Variants in SNCB observed in about 807,000 individuals in gnomAD.
SNCB encodes the protein beta-synuclein.
In SNCB, 8 loss-of-function variants were observed where a neutral mutation model predicts 20.0. The observed-to-expected ratio is 0.40, with a 90% CI of 0.24 to 0.72. The LOEUF (loss-of-function observed/expected upper bound fraction) is 0.72. SNCB is among the 30% of genes least tolerant of loss of function. The probability of loss-of-function intolerance (pLI) is 0.37; values close to 1 mark genes in which losing one functional copy is unlikely to be tolerated. For missense variants in SNCB, 125 were observed against 168.0 expected, an observed-to-expected ratio of 0.74 and a Z score of 1.41; for synonymous variants, 56 against 65.4, an observed-to-expected ratio of 0.86 and a Z score of 0.69.
chr5:176,629,513 G>A lies in SNCB; in HGVS notation c.121+21C>T. 6.2e-7 allele frequency: 1 copy of A among 1,610,744 alleles called. No homozygotes were observed. ...GGGGACCCCCAGCCCTGCAGCCCCA[G>A]AAACCCCGCCCCTTACCCACCGACG... On this transcript the variant is annotated intron_variant, in intron 2 of 5. Transcript: ENST00000393693. This position sits in a 1 kb window ranked among gnomAD's most constrained non-coding sequence, Gnocchi z 4.1.
In SNCB at chr5:176,621,858, C is replaced by A. The variant is rs540643151; in HGVS notation, c.283-555G>T. 1.1e-3 allele frequency among the ~76,000 whole-genome samples: 166 copies of A among 152,352 alleles called. 1 individual carries two copies. The highest frequency in any genetic ancestry group is 3.8e-3 in the African/African-American group (156 of 41,568). On this transcript the variant is annotated intron_variant, in intron 4 of 5. Coordinates refer to ENST00000393693, the MANE Select transcript of SNCB (RefSeq NM_003085.5). This position sits in a 1 kb window ranked among gnomAD's most constrained non-coding sequence, Gnocchi z 4.1. Reference sequence around the variant, plus strand: ...GGATGTGTGAGCTAAGACTCTCCCCCCCACCCGCTGCGTCTGCTGCCCAGA... The same window carrying A: ...GGATGTGTGAGCTAAGACTCTCCCCACCACCCGCTGCGTCTGCTGCCCAGA...
chr5:176,629,474 G>A lies in SNCB; in HGVS notation c.121+60C>T, dbSNP rs761701554. The A allele has an allele frequency of 6.3e-7, 1 of 1,582,790 alleles. No individual in the cohort carries two copies. Among genetic ancestry groups the A allele is most frequent in the Non-Finnish European group, 8.6e-7 (1 of 1,158,130 alleles). On this transcript the variant is annotated intron_variant, in intron 2 of 5. Transcript: ENST00000393693. This position sits in a 1 kb window ranked among gnomAD's most constrained non-coding sequence, Gnocchi z 4.1. Reference sequence around the variant, plus strand: ...CCCCCCTCCCCGGGACCCGGCCCCAGCTCCACACTGTCGGGGGACCCCCAG... The same window carrying A: ...CCCCCCTCCCCGGGACCCGGCCCCAACTCCACACTGTCGGGGGACCCCCAG...
At position 176,629,632 on chromosome 5, in the gene SNCB, A is replaced by G; in HGVS notation, c.23T>C (p.Leu8Pro). ...CACAACGCCCTCCTTGGCCATGGAC[A>G]GGCCCTTCATGAACACGTCCATCCT... MDVFMKG[L>P]SMAKEGVVAA... is the part of the protein sequence containing the mutation. The change falls in exon 2 of 6, where the codon CTG becomes CCG. Residue 8 changes from leucine (L) to proline (P), a missense_variant. Coordinates refer to ENST00000393693, the MANE Select transcript of SNCB (RefSeq NM_003085.5). The surrounding 1 kb of genome is among the most constrained non-coding windows in gnomAD (Gnocchi z 4.1). 6.2e-7 allele frequency: 1 copy of G among 1,613,756 alleles called. No homozygotes were observed. The highest frequency in any genetic ancestry group is 8.5e-7 in the Non-Finnish European group (1 of 1,179,870).
chr5:176,625,708 C>T (rs1759898242), intron 4 of SNCB, among the ~76,000 whole-genome samples: 1 of 152,208 alleles, frequency 6.6e-6, no homozygotes, highest in Non-Finnish European at 1.5e-5. Context: ...ACAGATCACA[C>T]CCACCCCAGC....
Position 176,620,764 on chromosome 5 carries a change from AGG to A in SNCB, c.*45_*46del. 7.0e-7 allele frequency: 1 copy of A among 1,420,052 alleles called. No homozygotes were observed. Among genetic ancestry groups the A allele is most frequent in the African/African-American group, 1.4e-5 (1 of 71,272 alleles). The allele number at this position is 1,420,052 out of a possible 1,614,324, so 88.0% of individuals were successfully genotyped here. On this transcript the variant is annotated 3_prime_UTR_variant, in exon 6 of 6. Transcript: ENST00000393693. This position sits in a 1 kb window ranked among gnomAD's most constrained non-coding sequence, Gnocchi z 4.5. ...CAGCCCTGGCTCTGGGGGGCGGGGC[AGG>A]GACAGGGACAGAATTGTGCTGCTGG...
intron 4 of SNCB, among the ~76,000 whole-genome samples, chr5:176,624,599 G>A (rs1048206291): frequency 2.0e-5 from 3 of 151,990 alleles, no homozygotes; most frequent in Non-Finnish European, 4.4e-5. Context: ...TCAGGAGTTC[G>A]AGACCAGCCT....
In SNCB at chr5:176,629,407, T is replaced by G; in HGVS notation, c.121+127A>C. The G allele has an allele frequency of 1.9e-6, 2 of 1,031,738 alleles. No homozygotes were observed. The highest frequency in any genetic ancestry group is 1.4e-6 in the Non-Finnish European group (1 of 693,042). 63.9% of individuals were successfully genotyped at this position (1,031,738 alleles called of 1,614,324 possible). A position where few individuals can be genotyped will look rare whatever the true frequency, so the allele number is the denominator to read the frequency against. ...TGGCTATGTCCCCTATGACCCCTGCTGACCTCGCCCCATCTGCTGACTCAT... is the reference window on the plus strand; with the variant it reads ...TGGCTATGTCCCCTATGACCCCTGCGGACCTCGCCCCATCTGCTGACTCAT... On this transcript the variant is annotated intron_variant, in intron 2 of 5. Transcript: ENST00000393693. This position sits in a 1 kb window ranked among gnomAD's most constrained non-coding sequence, Gnocchi z 4.1.
At position 176,626,499 on chromosome 5, in the gene SNCB, C is replaced by T. The variant is rs752407509; in HGVS notation, c.181G>A (p.Glu61Lys). Residue 61 changes from glutamate (E) to lysine (K), a missense_variant, in exon 4 of 6, where the codon GAA becomes AAA. Coordinates refer to ENST00000393693, the MANE Select transcript of SNCB (RefSeq NM_003085.5). This position sits in a 1 kb window ranked among gnomAD's most constrained non-coding sequence, Gnocchi z 4.2. ...GCTCCTCCCAGATGTGAGGCCTGTT[C>T]CTTGGTTTTTTCAGCCACTGGAGCA... is the stretch of plus-strand genomic sequence containing the variant. ...GVASVAEKTK[E>K]QASHLGGAVF... is the part of the protein sequence containing the mutation. 6.2e-7 allele frequency: 1 copy of T among 1,613,868 alleles called. No individual in the cohort carries two copies. Among genetic ancestry groups the T allele is most frequent in the Non-Finnish European group, 8.5e-7 (1 of 1,179,904 alleles).
Position 176,630,462 on chromosome 5 carries a change from A to G in SNCB, c.-192T>C, listed in dbSNP as rs1760320228. 1 of 152,904 alleles carries G rather than the reference A, an allele frequency of 6.5e-6. No individual in the cohort carries two copies. The highest frequency in any genetic ancestry group is 1.5e-5 in the Non-Finnish European group (1 of 68,434). The allele number at this position is 152,904 out of a possible 1,614,324, so 9.5% of individuals were successfully genotyped here. On this transcript the variant is annotated 5_prime_UTR_variant, in exon 1 of 6. Coordinates refer to ENST00000393693, the MANE Select transcript of SNCB (RefSeq NM_003085.5). ...CCGGGTCTCGGGTGCGTAGCCAGCC[A>G]CCGCTCGTTCCTCGCGCCCTGCGAG...
In SNCB at chr5:176,629,791, G is replaced by T. The variant is rs1760247138; in HGVS notation, c.-9-128C>A. On this transcript the variant is annotated intron_variant, in intron 1 of 5. Coordinates refer to ENST00000393693, the MANE Select transcript of SNCB (RefSeq NM_003085.5). The surrounding 1 kb of genome is among the most constrained non-coding windows in gnomAD (Gnocchi z 4.1). ...CCTTCTGGACCCTGAGCCCCCTCCC[G>T]CTTTCCCCCCATCCCACCCCACTCC... The T allele has an allele frequency of 1.5e-6, 2 of 1,319,008 alleles. No individual in the cohort carries two copies. The highest frequency in any genetic ancestry group is 2.0e-6 in the Non-Finnish European group (2 of 983,090). The allele number at this position is 1,319,008 out of a possible 1,614,324, so 81.7% of individuals were successfully genotyped here.
chr5:176,627,212 G>A (rs1305219368), intron 2 of SNCB, among the ~76,000 whole-genome samples: 1 of 152,182 alleles, frequency 6.6e-6, no homozygotes, highest in Non-Finnish European at 1.5e-5. Context: ...CTCACAGCAC[G>A]TAGCCCAGGA....
At position 176,620,906 on chromosome 5, in the gene SNCB, G is replaced by C; in HGVS notation, c.373-63C>G. On this transcript the variant is annotated intron_variant, in intron 5 of 5. Coordinates refer to ENST00000393693, the MANE Select transcript of SNCB (RefSeq NM_003085.5). This position sits in a 1 kb window ranked among gnomAD's most constrained non-coding sequence, Gnocchi z 4.5. Reference sequence around the variant, plus strand: ...AAAAGGAGGAGGAGTTTGAGACCAAGTGGCCAAGCCCCGGCCCAAGAACCC... The same window carrying C: ...AAAAGGAGGAGGAGTTTGAGACCAACTGGCCAAGCCCCGGCCCAAGAACCC... The C allele has an allele frequency of 6.8e-7, 1 of 1,462,032 alleles. No individual in the cohort carries two copies. Among genetic ancestry groups the C allele is most frequent in the South Asian group, 1.1e-5 (1 of 88,308 alleles). The allele number at this position is 1,462,032 out of a possible 1,614,324, so 90.6% of individuals were successfully genotyped here.
At chr5:176,622,462 C>A (rs1198133380) in intron 4 of SNCB, among the ~76,000 whole-genome samples, 1 of 150,242 alleles carries the variant, frequency 6.7e-6, no homozygotes, top group African/African-American at 2.5e-5. Flanking sequence ...TGCACTCCAG[C>A]CTAGGTAACA....
At chr5:176,628,240 T>C (rs538785966) in intron 2 of SNCB, among the ~76,000 whole-genome samples, 33 of 152,248 alleles carry the variant, frequency 2.2e-4, no homozygotes, top group Non-Finnish European at 4.4e-4. Context: ...CCAAGTCTAT[T>C]ATCAGAGAGA....
intron 4 of SNCB, among the ~76,000 whole-genome samples, chr5:176,624,659 G>A (rs1466425159): frequency 5.3e-5 from 8 of 152,016 alleles, no homozygotes; most frequent in African/African-American, 1.5e-4. Context: ...AAAATTAGCC[G>A]GGTGTGGTAG....
Position 176,626,570 on chromosome 5 carries a change from A to G in SNCB, c.164-54T>C. 1 of 1,528,548 alleles carries G rather than the reference A, an allele frequency of 6.5e-7. No individual in the cohort carries two copies. Among genetic ancestry groups the G allele is most frequent in the Non-Finnish European group, 9.1e-7 (1 of 1,102,106 alleles). 94.7% of individuals were successfully genotyped at this position (1,528,548 alleles called of 1,614,324 possible). A position where few individuals can be genotyped will look rare whatever the true frequency, so the allele number is the denominator to read the frequency against. ...GTTTGGGAGCCAGGGGGAAACACCG[A>G]TGCCCTGCCTTGTAGTATCCCAGGG... is the stretch of plus-strand genomic sequence containing the variant. On this transcript the variant is annotated intron_variant, in intron 3 of 5. Coordinates refer to ENST00000393693, the MANE Select transcript of SNCB (RefSeq NM_003085.5). The surrounding 1 kb of genome is among the most constrained non-coding windows in gnomAD (Gnocchi z 4.2).
In SNCB at chr5:176,621,673, G is replaced by A. The variant is rs1471448841; in HGVS notation, c.283-370C>T. ...AGAGATAACCCTCAGGCTCCCCTGG[G>A]CTGAAGGGAGCTGGAGGCTCAGGGA... On this transcript the variant is annotated intron_variant, in intron 4 of 5. Transcript: ENST00000393693. This position sits in a 1 kb window ranked among gnomAD's most constrained non-coding sequence, Gnocchi z 4.1. Among the ~76,000 whole-genome samples the A allele has an allele frequency of 2.6e-5, 4 of 152,212 alleles. No individual in the cohort carries two copies. The highest frequency in any genetic ancestry group is 5.9e-5 in the Non-Finnish European group (4 of 68,026).
rs990219324 is a variant in SNCB, at chr5:176,621,942, T to G, written c.283-639A>C. 2.0e-5 allele frequency among the ~76,000 whole-genome samples: 3 copies of G among 152,242 alleles called. No individual in the cohort carries two copies. Among genetic ancestry groups the G allele is most frequent in the African/African-American group, 7.2e-5 (3 of 41,468 alleles). On this transcript the variant is annotated intron_variant, in intron 4 of 5. Coordinates refer to ENST00000393693, the MANE Select transcript of SNCB (RefSeq NM_003085.5). This position sits in a 1 kb window ranked among gnomAD's most constrained non-coding sequence, Gnocchi z 4.1. Reference sequence around the variant, plus strand: ...GCTGCCAGACACATGGCCAGCCACCTGCAGGTGACCACATGTATGTGAACA... The same window carrying G: ...GCTGCCAGACACATGGCCAGCCACCGGCAGGTGACCACATGTATGTGAACA...
chr5:176,624,217 G>C (rs1759787823), intron 4 of SNCB, among the ~76,000 whole-genome samples: 2 of 152,200 alleles, frequency 1.3e-5, no homozygotes. Flanking sequence ...TTGCACCCCA[G>C]CTCGCAGCAC....
Sources: gnomAD v4.1 joint callset for allele counts (sites outside exome capture counted in the v4.1 genomes callset) on GRCh38, gnomAD v4.1.1 for gene constraint, Gnocchi (gnomAD v3.1) non-coding constraint, MANE v1.5 for transcripts, NCBI Gene and HGNC (gene_info 2026-07-23, HGNC 2026-07-21) for gene names.